Variants in OLFM3 observed in about 807,000 individuals in gnomAD.
OLFM3 encodes the protein noelin-3.
OLFM3 carries 20 observed loss-of-function variants against 48.6 expected under a neutral mutation model. The ratio of observed to expected loss-of-function variants is 0.41; its 90% CI spans 0.29 to 0.60. OLFM3 has a LOEUF of 0.60. Ranked by LOEUF, OLFM3 falls within the 20% of genes least tolerant of loss-of-function variation. The pLI, the probability that OLFM3 is intolerant of heterozygous loss-of-function variation, is 0.28. For synonymous variants in OLFM3, 222 were observed against 198.1 expected, an observed-to-expected ratio of 1.12 and a Z score of -1.01; for missense variants, 437 against 544.3, an observed-to-expected ratio of 0.80 and a Z score of 1.96.
chr1:101,830,598 G>T, intron 3 of OLFM3, 74 bp downstream of exon 3: 1 of 1,497,906 alleles, frequency 6.7e-7, no homozygotes, highest in Non-Finnish European at 9.3e-7. Context: ...TTCATTTCTA[G>T]CTGAGTGCCC....
At chr1:101,856,888 G>A (rs146126873) in intron 1 of OLFM3, among the ~76,000 whole-genome samples, 1 of 151,864 alleles carries the variant, frequency 6.6e-6, no homozygotes, top group Non-Finnish European at 1.5e-5. Flanking sequence ...GTACCTATAG[G>A]GATATAATGG....
chr1:101,813,223 C>A, intron 4 of OLFM3: 1 of 481,410 alleles, frequency 2.1e-6, no homozygotes, highest in Non-Finnish European at 3.4e-6. Context: ...GCAATGAGTG[C>A]ACTAAATATT....
chr1:101,932,757 G>C (rs936327279), intron 1 of OLFM3, among the ~76,000 whole-genome samples: 1 of 152,142 alleles, frequency 6.6e-6, no homozygotes, highest in African/African-American at 2.4e-5. Context: ...AGCGTGTCTT[G>C]TTATCTCCAA....
intron 1 of OLFM3, among the ~76,000 whole-genome samples, chr1:101,961,193 A>C (rs12140609): frequency 0.21 from 32,450 of 151,960 alleles, 3,652 homozygotes; most frequent in Non-Finnish European, 0.23. Flanking sequence ...TGACTTTTGT[A>C]AATTTCTCAA....
chr1:101,924,049 T>C (rs12125726), intron 1 of OLFM3, among the ~76,000 whole-genome samples: 29,869 of 152,130 alleles, frequency 0.2, 3,617 homozygotes, highest in Non-Finnish European at 0.29. Flanking sequence ...ATTATTCCCA[T>C]TAGCTAAGAA....
chr1:101,912,530 A>G (rs1468954061), intron 1 of OLFM3, among the ~76,000 whole-genome samples: 1 of 152,158 alleles, frequency 6.6e-6, no homozygotes, highest in Non-Finnish European at 1.5e-5. Flanking sequence ...AAGTCACGCA[A>G]TTTTTTAATG....
At chr1:101,932,434 G>A (rs1659470883) in intron 1 of OLFM3, among the ~76,000 whole-genome samples, 1 of 152,166 alleles carries the variant, frequency 6.6e-6, no homozygotes, top group Non-Finnish European at 1.5e-5. Flanking sequence ...AAGGCATTGA[G>A]GGTGGATAGA....
intron 1 of OLFM3, among the ~76,000 whole-genome samples, chr1:101,895,324 C>T (rs1408716382): frequency 6.6e-6 from 1 of 151,220 alleles, no homozygotes; most frequent in Non-Finnish European, 1.5e-5. Context: ...ATAAGTTATG[C>T]GTATCAGCAC....
chr1:101,930,883 C>T lies in OLFM3; in HGVS notation c.69+65865G>A, dbSNP rs74107157. On this transcript the variant is annotated intron_variant, in intron 1 of 5. Transcript: ENST00000370103. ...CATGAGGCAATCAATTCTGTGTTAG[C>T]TTTGAAAAGGATTATCAAAATAATG... 8.6e-3 allele frequency among the ~76,000 whole-genome samples: 1,317 copies of T among 152,288 alleles called. 17 individuals carry two copies. The highest frequency in any genetic ancestry group is 0.03 in the African/African-American group (1,248 of 41,556).
At chr1:101,837,942 G>A (rs2100926086) in intron 1 of OLFM3, 1 of 152,150 alleles carries the variant, frequency 6.6e-6, no homozygotes, top group East Asian at 1.9e-4. Context: ...GGTATTTAAT[G>A]TATATTTTCT....
chr1:101,929,348 C>T (rs950769834), intron 1 of OLFM3, among the ~76,000 whole-genome samples: 7 of 152,136 alleles, frequency 4.6e-5, no homozygotes, highest in Admixed American at 3.9e-4. Context: ...TTGTGTCATA[C>T]TAAGCTTTCT....
At position 101,918,336 on chromosome 1, in the gene OLFM3, TG is replaced by T. The variant is rs1490124220; in HGVS notation, c.69+78411del. ...AAGAACACAAATTAATATCTTAAGT[TG>T]TTTTGGTCAGAAGGCTGAAATAGGT... On this transcript the variant is annotated intron_variant, in intron 1 of 5. Coordinates refer to ENST00000370103, the MANE Select transcript of OLFM3 (RefSeq NM_058170.4). 1.2e-4 allele frequency among the ~76,000 whole-genome samples: 19 copies of T among 152,262 alleles called. No homozygotes were observed. The East Asian group carries it at 3.7e-3, about 29-fold the overall frequency.
chr1:101,972,746 T>G (rs936604126), intron 1 of OLFM3, among the ~76,000 whole-genome samples: 1 of 152,202 alleles, frequency 6.6e-6, no homozygotes, highest in African/African-American at 2.4e-5. Context: ...TCCATTTTGC[T>G]TTTTAAATGT....
chr1:101,865,585 A>C (rs879402691), intron 1 of OLFM3, among the ~76,000 whole-genome samples: 1 of 152,232 alleles, frequency 6.6e-6, no homozygotes, highest in Admixed American at 6.5e-5. Flanking sequence ...CCTTCAAATC[A>C]GCAGCAGGTC....
At chr1:101,826,900 A>G (rs1427649432) in intron 3 of OLFM3, among the ~76,000 whole-genome samples, 1 of 152,234 alleles carries the variant, frequency 6.6e-6, no homozygotes, top group East Asian at 1.9e-4. Context: ...CATATTTAAA[A>G]GAGAGCAATT....
intron 1 of OLFM3, among the ~76,000 whole-genome samples, chr1:101,888,435 CT>C (rs1657856885): frequency 2.0e-5 from 3 of 152,158 alleles, no homozygotes; most frequent in African/African-American, 7.2e-5. Context: ...GCTGGGAAAA[CT>C]GGCTAGGCAT....
chr1:101,891,267 G>A (rs1657983828), intron 1 of OLFM3, among the ~76,000 whole-genome samples: 1 of 151,848 alleles, frequency 6.6e-6, no homozygotes, highest in South Asian at 2.1e-4. Context: ...AATAAACAGT[G>A]GCTTGGGTTA....
intron 1 of OLFM3, among the ~76,000 whole-genome samples, chr1:101,870,887 T>C (rs1657053355): frequency 6.6e-6 from 1 of 152,072 alleles, no homozygotes. Context: ...TAAAATCCAG[T>C]ACTTCCTTTT....
intron 4 of OLFM3, among the ~76,000 whole-genome samples, chr1:101,818,266 G>A (rs1439615663): frequency 2.6e-5 from 4 of 152,076 alleles, no homozygotes; most frequent in African/African-American, 9.7e-5. Flanking sequence ...ATATTATTAA[G>A]AGGCTCATAA....
Sources: allele counts gnomAD v4.1 joint callset (sites outside exome capture counted in the v4.1 genomes callset), GRCh38; gene constraint gnomAD v4.1.1; transcripts MANE v1.5; gene names NCBI Gene and HGNC (gene_info 2026-07-23, HGNC 2026-07-21).